The following RASA3 variants were observed in gnomAD, a reference collection of about 807,000 sequenced individuals.
RASA3 encodes the protein RAS p21 protein activator 3.
A neutral mutation model predicts 110.0 loss-of-function variants in RASA3; 73 were observed. The ratio of observed to expected loss-of-function variants is 0.66; its 90% CI spans 0.55 to 0.81. The LOEUF (loss-of-function observed/expected upper bound fraction) is 0.81, where lower values mean the gene tolerates loss of function less well. Ranked by LOEUF, RASA3 falls within the 30% of genes least tolerant of loss-of-function variation. The pLI, the probability that RASA3 is intolerant of heterozygous loss-of-function variation, is 0.00. For synonymous variants in RASA3, 500 were observed against 451.4 expected, an observed-to-expected ratio of 1.11 and a Z score of -1.37; for missense variants, 976 against 1,113.2, an observed-to-expected ratio of 0.88 and a Z score of 1.75.
Position 113,981,875 on chromosome 13 carries a change from G to T in RASA3, c.2246-17C>A, listed in dbSNP as rs760089612. 6.2e-7 allele frequency: 1 copy of T among 1,610,142 alleles called. No individual in the cohort carries two copies. Among genetic ancestry groups the T allele is most frequent in the Non-Finnish European group, 8.5e-7 (1 of 1,178,208 alleles). ...CACAGGCCTCTGTGGAGGGCGGAGG[G>T]GTCAGCGCAGGGCAGGAGCCCAGGC... On this transcript the variant is annotated splice_polypyrimidine_tract_variant and intron_variant, in intron 22 of 23. Transcript: ENST00000334062.
At chr13:114,043,837 G>GCCCCCCCCCCCCCCGCCT (rs544129523) in intron 3 of RASA3, among the ~76,000 whole-genome samples, 1 of 22,826 alleles carries the variant, frequency 4.4e-5, no homozygotes, top group Non-Finnish European at 7.1e-5. Context: ...CACTCGCTGA[G>GCCCCCCCCCCCCCCGCCT]CCCCCCGCCC....
chr13:114,082,354 C>T (rs1030299751), intron 1 of RASA3, among the ~76,000 whole-genome samples: 6 of 152,246 alleles, frequency 3.9e-5, no homozygotes, highest in East Asian at 1.9e-4. Flanking sequence ...GCACACATAT[C>T]GGCTGCACCT....
At chr13:114,050,712 C>A (rs1280921304) in intron 3 of RASA3, among the ~76,000 whole-genome samples, 1 of 152,368 alleles carries the variant, frequency 6.6e-6, no homozygotes, top group East Asian at 1.9e-4. Context: ...AGAGTGCAGA[C>A]AGCCTACGCG....
chr13:114,005,469 C>T (rs576134097), intron 18 of RASA3, among the ~76,000 whole-genome samples: 2 of 152,090 alleles, frequency 1.3e-5, no homozygotes, highest in Admixed American at 6.5e-5. Context: ...AGACGTCCCC[C>T]TCCAAGGTCA....
Position 114,112,097 on chromosome 13 carries a change from G to GC in RASA3, c.55+20337dup, listed in dbSNP as rs1262764968. 3.1e-5 allele frequency among the ~76,000 whole-genome samples: 2 copies of GC among 64,594 alleles called. No individual in the cohort carries two copies. The highest frequency in any genetic ancestry group is 5.6e-4 in the East Asian group (1 of 1,790). 42.4% of individuals were successfully genotyped at this position (64,594 alleles called of 152,430 possible). A position where few individuals can be genotyped will look rare whatever the true frequency, so the allele number is the denominator to read the frequency against. ...TCTCCCTGGAAACAGCAGCCCCCAG[G>GC]CACCCCCCCCAGCAACTGGGACAAG... On this transcript the variant is annotated intron_variant, in intron 1 of 23. Transcript: ENST00000334062. This position sits in a 1 kb window ranked among gnomAD's most constrained non-coding sequence, Gnocchi z 4.8.
chr13:113,995,258 G>C (rs1387165843), intron 21 of RASA3, among the ~76,000 whole-genome samples: 1 of 152,250 alleles, frequency 6.6e-6, no homozygotes, highest in African/African-American at 2.4e-5. Context: ...GCTGTCCTGG[G>C]ATGCGAGGAC....
intron 1 of RASA3, among the ~76,000 whole-genome samples, chr13:114,118,066 C>T (rs2080319913): frequency 6.6e-6 from 1 of 152,080 alleles, no homozygotes; most frequent in South Asian, 2.1e-4. Flanking sequence ...CTTAATCTTC[C>T]CGAGCACAAT....
chr13:114,042,085 T>C (rs1218488747), intron 3 of RASA3, among the ~76,000 whole-genome samples: 1 of 152,236 alleles, frequency 6.6e-6, no homozygotes, highest in Non-Finnish European at 1.5e-5. Flanking sequence ...CTAGTATGGA[T>C]TTATATGTGT....
chr13:114,015,415 G>A (rs965105428), intron 13 of RASA3, 83 bp from the exon 14 acceptor site: 41 of 1,561,836 alleles, frequency 2.6e-5, no homozygotes, highest in East Asian at 1.1e-4. Flanking sequence ...AGGGAGGGGC[G>A]CGTGGGGAGG....
chr13:114,074,975 A>T (rs930659884), intron 1 of RASA3, among the ~76,000 whole-genome samples: 6 of 150,572 alleles, frequency 4.0e-5, no homozygotes, highest in East Asian at 1.9e-4. Context: ...TCCATTCTGT[A>T]AAAAAAACGC....
In RASA3 at chr13:113,999,492, G is replaced by A. The variant is rs2053333056; in HGVS notation, c.1932+93C>T. On this transcript the variant is annotated intron_variant, in intron 20 of 23. Transcript: ENST00000334062. Reference sequence around the variant, plus strand: ...AGAAGCCTGGAGTGCAGTGGGTGGGGAAGGGTGAGCCCAGGGCCAGGTACG... The same window carrying A: ...AGAAGCCTGGAGTGCAGTGGGTGGGAAAGGGTGAGCCCAGGGCCAGGTACG... The A allele has an allele frequency of 1.0e-5, 10 of 992,070 alleles. No homozygotes were observed. In the Admixed American group the frequency reaches 1.6e-4, roughly 16 times the overall value. The allele number at this position is 992,070 out of a possible 1,614,324, so 61.5% of individuals were successfully genotyped here.
At chr13:114,009,281 C>A in intron 17 of RASA3, 106 bp downstream of exon 17, 1 of 930,808 alleles carries the variant, frequency 1.1e-6, no homozygotes, top group Non-Finnish European at 1.7e-6. Context: ...TGTTTAAAAT[C>A]GCTAATGGCC....
intron 2 of RASA3, among the ~76,000 whole-genome samples, chr13:114,055,161 C>CGTGTGCATGGGT (rs2079221635): frequency 6.6e-6 from 1 of 151,942 alleles, no homozygotes; most frequent in African/African-American, 2.4e-5. Context: ...CCCACAGGCA[C>CGTGTGCATGGGT]GTGTGCATGG....
intron 4 of RASA3, among the ~76,000 whole-genome samples, chr13:114,038,512 G>A (rs1418895354): frequency 6.6e-6 from 1 of 152,246 alleles, no homozygotes; most frequent in Non-Finnish European, 1.5e-5. Flanking sequence ...CCTTGGGGCA[G>A]GGCCATCCCC....
chr13:114,004,756 C>G (rs1161558399), intron 18 of RASA3, among the ~76,000 whole-genome samples: 5 of 152,210 alleles, frequency 3.3e-5, no homozygotes, highest in African/African-American at 1.2e-4. Flanking sequence ...AGCTGCCATT[C>G]GATCCAGCAA....
chr13:114,015,839 C>T (rs780679058), intron 13 of RASA3, among the ~76,000 whole-genome samples: 2 of 151,956 alleles, frequency 1.3e-5, no homozygotes, highest in African/African-American at 4.8e-5. Context: ...AAGGAGGAGC[C>T]GGGGCGGAGG....
At chr13:114,069,173 AC>A (rs2139650304) in intron 2 of RASA3, among the ~76,000 whole-genome samples, 1 of 152,194 alleles carries the variant, frequency 6.6e-6, no homozygotes, top group South Asian at 2.1e-4. Flanking sequence ...CCTTCCTCAC[AC>A]ATTCCATTTG....
chr13:114,019,740 T>C (rs982971519), intron 9 of RASA3, among the ~76,000 whole-genome samples: 1 of 144,842 alleles, frequency 6.9e-6, no homozygotes, highest in African/African-American at 2.6e-5. Flanking sequence ...GTCTGAGACA[T>C]TGGCGCCCCC....
intron 4 of RASA3, among the ~76,000 whole-genome samples, chr13:114,030,708 G>T (rs898432419): frequency 5.3e-5 from 8 of 152,214 alleles, no homozygotes; most frequent in African/African-American, 1.9e-4. Flanking sequence ...ACCTGTCTGT[G>T]CGTACAACTG....
Sources: gnomAD v4.1 joint callset for allele counts (sites outside exome capture counted in the v4.1 genomes callset) on GRCh38, gnomAD v4.1.1 for gene constraint, Gnocchi (gnomAD v3.1) non-coding constraint, MANE v1.5 for transcripts, NCBI Gene and HGNC (gene_info 2026-07-23, HGNC 2026-07-21) for gene names.